Variants in LDB2 observed in about 807,000 individuals in gnomAD.
LDB2 encodes LIM domain-binding protein 2.
A neutral mutation model predicts 44.3 loss-of-function variants in LDB2; 12 were observed. That is an observed-to-expected ratio of 0.27 (90% CI 0.17 to 0.44). The LOEUF is 0.44. LDB2 is among the 20% of genes least tolerant of loss of function. The probability of loss-of-function intolerance (pLI) is 1.00; values close to 1 mark genes in which losing one functional copy is unlikely to be tolerated. For synonymous variants in LDB2, 164 were observed against 174.8 expected, an observed-to-expected ratio of 0.94 and a Z score of 0.49; for missense variants, 344 against 473.5, an observed-to-expected ratio of 0.73 and a Z score of 2.54.
chr4:16,660,545 T>C (rs1382446046), intron 2 of LDB2, among the ~76,000 whole-genome samples: 1 of 152,166 alleles, frequency 6.6e-6, no homozygotes, highest in Non-Finnish European at 1.5e-5. Context: ...GTTTCCTTTC[T>C]CATTTATTCA....
intron 1 of LDB2, among the ~76,000 whole-genome samples, chr4:16,884,517 C>T (rs1348144853): frequency 6.6e-6 from 1 of 152,224 alleles, no homozygotes; most frequent in African/African-American, 2.4e-5. Flanking sequence ...AAATCTTCAC[C>T]CTTCCTAAAA....
At chr4:16,833,189 C>T (rs931560821) in intron 1 of LDB2, among the ~76,000 whole-genome samples, 1 of 152,002 alleles carries the variant, frequency 6.6e-6, no homozygotes, top group Non-Finnish European at 1.5e-5. Flanking sequence ...AATGTTCAGG[C>T]CAATAAGATA....
At position 16,842,069 on chromosome 4, in the gene LDB2, A is replaced by T. The variant is rs138597806; in HGVS notation, c.132+56285T>A. 2.1e-3 allele frequency among the ~76,000 whole-genome samples: 325 copies of T among 152,272 alleles called. 5 individuals are homozygous for T. The East Asian group carries it at 0.039, about 18-fold the overall frequency. On this transcript the variant is annotated intron_variant, in intron 1 of 7. Transcript: ENST00000304523. ...CTATTTTCATGGCTTTGGTGAGCAC[A>T]TTTTAAAGTTATCATCCTTAAACAT...
chr4:16,534,029 G>A (rs1025713866), intron 5 of LDB2, among the ~76,000 whole-genome samples: 7 of 152,162 alleles, frequency 4.6e-5, no homozygotes, highest in Admixed American at 1.3e-4. Flanking sequence ...CCTTTGTGTG[G>A]AATGCCACGA....
At chr4:16,717,466 T>C (rs1444779897) in intron 2 of LDB2, among the ~76,000 whole-genome samples, 1 of 152,122 alleles carries the variant, frequency 6.6e-6, no homozygotes, top group Non-Finnish European at 1.5e-5. Flanking sequence ...ATAGCTGCTA[T>C]TGAGTCATTA....
chr4:16,631,439 G>A (rs1351961036), intron 2 of LDB2, among the ~76,000 whole-genome samples: 4 of 152,082 alleles, frequency 2.6e-5, no homozygotes, highest in Non-Finnish European at 4.4e-5. Flanking sequence ...AAAGCAGTGT[G>A]TAGAGGGAAA....
At chr4:16,798,163 T>A (rs1021535257) in intron 1 of LDB2, among the ~76,000 whole-genome samples, 1 of 152,122 alleles carries the variant, frequency 6.6e-6, no homozygotes, top group Non-Finnish European at 1.5e-5. Context: ...GAGAATTCAA[T>A]GTGTTTATAT....
chr4:16,536,926 A>G (rs1461476695), intron 5 of LDB2, among the ~76,000 whole-genome samples: 3 of 152,234 alleles, frequency 2.0e-5, no homozygotes, highest in African/African-American at 7.2e-5. Flanking sequence ...ATGAAACAGG[A>G]TGATGTAAAT....
At chr4:16,745,539 G>C (rs1579281524) in intron 2 of LDB2, among the ~76,000 whole-genome samples, 1 of 152,328 alleles carries the variant, frequency 6.6e-6, no homozygotes, top group East Asian at 1.9e-4. Flanking sequence ...TGGAGGCTTG[G>C]AGAAAATGCC....
At chr4:16,788,447 C>G (rs1579670366) in intron 1 of LDB2, among the ~76,000 whole-genome samples, 1 of 152,320 alleles carries the variant, frequency 6.6e-6, no homozygotes, top group African/African-American at 2.4e-5. Context: ...AATGCTAATC[C>G]CTCCTGTTCC....
At chr4:16,568,514 T>C (rs986020148) in intron 5 of LDB2, among the ~76,000 whole-genome samples, 4 of 152,184 alleles carry the variant, frequency 2.6e-5, no homozygotes, top group African/African-American at 9.7e-5. Flanking sequence ...AGGTAGGTAT[T>C]AGCCCACTAA....
intron 2 of LDB2, among the ~76,000 whole-genome samples, chr4:16,636,585 T>C (rs1191699223): frequency 3.9e-5 from 6 of 152,194 alleles, no homozygotes; most frequent in Non-Finnish European, 7.3e-5. Flanking sequence ...CTTATATTTA[T>C]GTATTTTGTT....
intron 1 of LDB2, among the ~76,000 whole-genome samples, chr4:16,760,394 G>A (rs957601508): frequency 6.6e-6 from 1 of 152,122 alleles, no homozygotes; most frequent in African/African-American, 2.4e-5. Flanking sequence ...AGGAGCCACG[G>A]AAGATTGATG....
intron 2 of LDB2, among the ~76,000 whole-genome samples, chr4:16,758,744 G>A (rs1767234419): frequency 1.3e-5 from 2 of 152,294 alleles, no homozygotes; most frequent in Middle Eastern, 3.4e-3. Flanking sequence ...TGATAAGAGG[G>A]GATTAGAAGG....
intron 1 of LDB2, among the ~76,000 whole-genome samples, chr4:16,868,446 T>A (rs923780267): frequency 6.6e-6 from 1 of 152,170 alleles, no homozygotes; most frequent in Non-Finnish European, 1.5e-5. Context: ...TATAAACTCT[T>A]AATATCAGAG....
intron 2 of LDB2, among the ~76,000 whole-genome samples, chr4:16,614,334 A>ATTT (rs1405333436): frequency 6.6e-6 from 1 of 152,208 alleles, no homozygotes; most frequent in Non-Finnish European, 1.5e-5. Flanking sequence ...ACACCTAGGC[A>ATTT]ATACCATTCA....
At chr4:16,624,048 G>A (rs1165229856) in intron 2 of LDB2, among the ~76,000 whole-genome samples, 2 of 152,098 alleles carry the variant, frequency 1.3e-5, no homozygotes, top group Admixed American at 6.5e-5. Flanking sequence ...AAAGGTACCA[G>A]TACCATTATT....
chr4:16,754,708 T>A (rs1020980957), intron 2 of LDB2, among the ~76,000 whole-genome samples: 1 of 152,048 alleles, frequency 6.6e-6, no homozygotes, highest in African/African-American at 2.4e-5. Flanking sequence ...ATTTTTGTAT[T>A]TTTAATAGAG....
At chr4:16,884,250 C>G (rs1721004296) in intron 1 of LDB2, among the ~76,000 whole-genome samples, 1 of 152,188 alleles carries the variant, frequency 6.6e-6, no homozygotes, top group Admixed American at 6.5e-5. Flanking sequence ...GCTTTCATGC[C>G]TTACCTCATT....
Sources: gnomAD v4.1 joint callset for allele counts (sites outside exome capture counted in the v4.1 genomes callset) on GRCh38, gnomAD v4.1.1 for gene constraint, MANE v1.5 for transcripts, NCBI Gene and HGNC (gene_info 2026-07-23, HGNC 2026-07-21) for gene names.